The following ATF2 variants were observed in gnomAD, a reference collection of about 807,000 sequenced individuals.
ATF2 encodes cyclic AMP-dependent transcription factor ATF-2.
ATF2 carries 24 observed loss-of-function variants against 60.6 expected under a neutral mutation model. The observed-to-expected ratio is 0.40, with a 90% CI of 0.29 to 0.56. ATF2 has a LOEUF of 0.56. Among genes scored for constraint, ATF2 ranks in the 20% least tolerant of loss-of-function variants. The pLI is 0.54. For missense variants in ATF2, 433 were observed against 607.7 expected, an observed-to-expected ratio of 0.71 and a Z score of 3.02; for synonymous variants, 206 against 215.4, an observed-to-expected ratio of 0.96 and a Z score of 0.38.
intron 4 of ATF2, among the ~76,000 whole-genome samples, chr2:175,121,887 C>T (rs1428859772): frequency 1.3e-5 from 2 of 151,922 alleles, no homozygotes; most frequent in Non-Finnish European, 1.5e-5. Flanking sequence ...AGAAACTATA[C>T]TCCATGGTTC....
At position 175,072,561 on chromosome 2, in the gene ATF2, A is replaced by T. The variant is rs1693007416; in HGVS notation, c.*2048T>A. On this transcript the variant is annotated 3_prime_UTR_variant, in exon 14 of 14. Coordinates refer to ENST00000264110, the MANE Select transcript of ATF2 (RefSeq NM_001880.4). ...ACAGTTGCAAGAATTCTGTTACCAA[A>T]GAACCTTAACTTGCATAAGTAATAA... The T allele has an allele frequency of 1.3e-5, 2 of 152,168 alleles. No homozygotes were observed. Among genetic ancestry groups the T allele is most frequent in the African/African-American group, 4.8e-5 (2 of 41,458 alleles). The allele number at this position is 152,168 out of a possible 1,614,324, so 9.4% of individuals were successfully genotyped here. A position where few individuals can be genotyped will look rare whatever the true frequency, so the allele number is the denominator to read the frequency against.
intron 4 of ATF2, among the ~76,000 whole-genome samples, chr2:175,127,525 C>A (rs1559093237): frequency 6.6e-6 from 1 of 152,164 alleles, no homozygotes; most frequent in Non-Finnish European, 1.5e-5. Flanking sequence ...TCAGCAGTGG[C>A]TTTTCACTGC....
chr2:175,097,541 G>C lies in ATF2; in HGVS notation c.881C>G (p.Thr294Ser), dbSNP rs976905215. ...CAATCCGCTACCATGACCTTTGACA[G>C]TATCACCATTGGTAACTGGAGGATG... ...QQHPPVTNGD[T>S]VKGHGSGLVR... Residue 294 changes from threonine (T) to serine (S), a missense_variant, in exon 11 of 14, where the codon ACT (threonine) becomes AGT (serine). Physicochemically the swap from Thr to Ser is moderately conservative, Grantham distance 58 (BLOSUM62 1). Transcript: ENST00000264110. The C allele has an allele frequency of 6.2e-7, 1 of 1,614,132 alleles. No individual in the cohort carries two copies. Among genetic ancestry groups the C allele is most frequent in the Admixed American group, 1.7e-5 (1 of 60,012 alleles).
intron 3 of ATF2, among the ~76,000 whole-genome samples, chr2:175,132,377 C>T (rs1023819883): frequency 5.3e-5 from 8 of 152,112 alleles, no homozygotes; most frequent in Admixed American, 3.3e-4. Context: ...TAGTTTCCTG[C>T]GAGTTTTAAT....
At chr2:175,126,765 T>C (rs1012204653) in intron 4 of ATF2, 3 of 152,154 alleles carry the variant, frequency 2.0e-5, no homozygotes, top group Non-Finnish European at 2.9e-5. Flanking sequence ...CCAAGAATGA[T>C]ATCTAGAACA....
chr2:175,080,452 A>G (rs1056881479), intron 13 of ATF2: 3 of 372,534 alleles, frequency 8.1e-6, no homozygotes, highest in Non-Finnish European at 1.4e-5. Flanking sequence ...AACGCTTAGG[A>G]AAAAAGCTAG....
intron 7 of ATF2, among the ~76,000 whole-genome samples, chr2:175,116,036 G>A (rs1696537551): frequency 6.6e-6 from 1 of 152,056 alleles, no homozygotes; most frequent in African/African-American, 2.4e-5. Flanking sequence ...CAATAGAGAG[G>A]CATGAGGTAA....
chr2:175,148,077 T>A (rs199897822), intron 2 of ATF2: 4 of 147,352 alleles, frequency 2.7e-5, no homozygotes, highest in Non-Finnish European at 1.5e-5. Flanking sequence ...TTCTTACTGA[T>A]AAAAAAAAAA....
At chr2:175,154,128 C>A (rs182605754) in intron 1 of ATF2, among the ~76,000 whole-genome samples, 2 of 151,112 alleles carry the variant, frequency 1.3e-5, no homozygotes, top group Non-Finnish European at 2.9e-5. Context: ...GCAGGAGAAT[C>A]GCTTGAACCT....
intron 4 of ATF2, among the ~76,000 whole-genome samples, chr2:175,122,914 C>T (rs145592496): frequency 4.1e-4 from 62 of 152,194 alleles, no homozygotes; most frequent in African/African-American, 1.1e-3. Context: ...TTTAATCTTG[C>T]TACATTTTAT....
At chr2:175,115,933 TGAG>T (rs973552039) in intron 7 of ATF2, among the ~76,000 whole-genome samples, 2 of 151,998 alleles carry the variant, frequency 1.3e-5, no homozygotes, top group Admixed American at 6.6e-5. Context: ...GATAAAAGGA[TGAG>T]GAGGAGAGCA....
At chr2:175,086,497 C>T (rs1304926114) in intron 12 of ATF2, among the ~76,000 whole-genome samples, 1 of 152,110 alleles carries the variant, frequency 6.6e-6, no homozygotes, top group East Asian at 1.9e-4. Context: ...ATAGGATGCT[C>T]ATGCTGGTAA....
intron 2 of ATF2, among the ~76,000 whole-genome samples, chr2:175,149,251 A>T (rs1699150220): frequency 1.3e-5 from 2 of 152,128 alleles, no homozygotes; most frequent in Admixed American, 1.3e-4. Flanking sequence ...CAAAGTGCTG[A>T]GTTCTTCACA....
In ATF2 at chr2:175,093,210, C is replaced by T. The variant is rs543271551; in HGVS notation, c.1036G>A (p.Ala346Thr). 2.8e-5 allele frequency: 45 copies of T among 1,613,966 alleles called. No individual in the cohort carries two copies. Among genetic ancestry groups the T allele is most frequent in the Non-Finnish European group, 3.8e-5 (45 of 1,180,014 alleles). The change falls in exon 12 of 14, where the codon GCA (alanine) becomes ACA (threonine). Residue 346 changes from alanine to threonine, a missense_variant. This residue lies in a region of ATF2 where 246 missense variants were observed against 309.3 expected (regional missense o/e 0.80). Coordinates refer to ENST00000264110, the MANE Select transcript of ATF2 (RefSeq NM_001880.4). ...TQSTSGRRRR[A>T]ANEDPDEKRR... is the part of the protein sequence containing the mutation. The stretch of plus-strand genomic sequence containing the variant: ...TTTTCATCAGGATCTTCGTTAGCTG[C>T]TCTTCTCCGACGACCACTTGTACTT...
chr2:175,109,815 TGAA>T (rs377094974), intron 10 of ATF2, among the ~76,000 whole-genome samples: 151 of 152,292 alleles, frequency 9.9e-4, no homozygotes, highest in African/African-American at 3.5e-3. Flanking sequence ...TGCTATCAAG[TGAA>T]GAAGATTCAT....
At chr2:175,124,085 T>TG (rs1697152818) in intron 4 of ATF2, among the ~76,000 whole-genome samples, 1 of 14,144 alleles carries the variant, frequency 7.1e-5, no homozygotes, top group Non-Finnish European at 2.8e-4. Flanking sequence ...CCAGTCAAAT[T>TG]ATATTCCAAG....
chr2:175,075,989 T>G (rs1194522416), intron 13 of ATF2, among the ~76,000 whole-genome samples: 1 of 152,166 alleles, frequency 6.6e-6, no homozygotes, highest in Non-Finnish European at 1.5e-5. Flanking sequence ...TAAAATCAAA[T>G]CTAAGAATGT....
chr2:175,085,430 A>G (rs191658370), intron 12 of ATF2, among the ~76,000 whole-genome samples: 2 of 151,944 alleles, frequency 1.3e-5, no homozygotes, highest in Admixed American at 6.6e-5. Context: ...AGCGACTTGG[A>G]AGGCTGAGGC....
intron 1 of ATF2, among the ~76,000 whole-genome samples, chr2:175,165,793 C>A (rs868118870): frequency 6.6e-6 from 1 of 152,166 alleles, no homozygotes; most frequent in Non-Finnish European, 1.5e-5. Context: ...CTCAGCCTCT[C>A]GAGTAGGTGG....
Sources: allele counts gnomAD v4.1 joint callset (sites outside exome capture counted in the v4.1 genomes callset), GRCh38; gene constraint gnomAD v4.1.1; regional missense constraint gnomAD v4.1.1; transcripts MANE v1.5; gene names NCBI Gene and HGNC (gene_info 2026-07-23, HGNC 2026-07-21).